FBXL13: variants seen among roughly 807,000 people sequenced by gnomAD.
FBXL13 encodes the protein F-box and leucine rich repeat protein 13.
A neutral mutation model predicts 83.6 loss-of-function variants in FBXL13; 67 were observed. The observed-to-expected ratio is 0.80, with a 90% CI of 0.66 to 0.98. The LOEUF is 0.98. Ranked by LOEUF, FBXL13 falls within the 50% of genes least tolerant of loss-of-function variation. The probability of loss-of-function intolerance (pLI) is 0.00; values close to 1 mark genes in which losing one functional copy is unlikely to be tolerated. For synonymous variants in FBXL13, 272 were observed against 299.5 expected (o/e 0.91, Z 0.95); for missense variants, 822 against 866.5 (o/e 0.95, Z 0.64).
chr7:102,860,662 C>T (rs1806674527), intron 16 of FBXL13, among the ~76,000 whole-genome samples: 1 of 150,238 alleles, frequency 6.7e-6, no homozygotes, highest in Non-Finnish European at 1.5e-5. Flanking sequence ...GAACTAGTTA[C>T]CAAATGTTGG....
chr7:102,983,244 G>A (rs1015660887), intron 6 of FBXL13, among the ~76,000 whole-genome samples: 2 of 152,078 alleles, frequency 1.3e-5, no homozygotes, highest in African/African-American at 4.8e-5. Context: ...CTTCTGAGGT[G>A]GAGAAGCCAC....
At chr7:103,001,952 T>G (rs998756048) in intron 6 of FBXL13, among the ~76,000 whole-genome samples, 28 of 152,202 alleles carry the variant, frequency 1.8e-4, no homozygotes, top group Admixed American at 6.5e-4. Flanking sequence ...AAACTCCCTT[T>G]TATATATCCA....
At chr7:102,860,450 A>G (rs1806641619) in intron 16 of FBXL13, among the ~76,000 whole-genome samples, 1 of 152,230 alleles carries the variant, frequency 6.6e-6, no homozygotes, top group Non-Finnish European at 1.5e-5. Flanking sequence ...TAGCATGGAC[A>G]GAGACTTCAT....
chr7:102,834,150 C>G (rs12667223), intron 17 of FBXL13, among the ~76,000 whole-genome samples: 11,763 of 118,236 alleles, frequency 0.099, 1,042 homozygotes, highest in Middle Eastern at 0.15. Flanking sequence ...AAAGAGAAGA[C>G]AAGAGAAAAG....
At chr7:102,894,683 C>T (rs997436950) in intron 11 of FBXL13, among the ~76,000 whole-genome samples, 1 of 150,074 alleles carries the variant, frequency 6.7e-6, no homozygotes, top group Admixed American at 6.6e-5. Flanking sequence ...GAGCTATGAT[C>T]ACACCACTGT....
chr7:103,060,053 TA>T, intron 1 of FBXL13, among the ~76,000 whole-genome samples: 1 of 112,704 alleles, frequency 8.9e-6, no homozygotes, highest in South Asian at 2.8e-4. Flanking sequence ...TATATATATA[TA>T]TATATATATA....
intron 11 of FBXL13, among the ~76,000 whole-genome samples, chr7:102,894,745 AG>A (rs1336001403): frequency 1.4e-3 from 201 of 144,604 alleles, no homozygotes; most frequent in African/African-American, 5.4e-3. Context: ...AAAAAAAAAA[AG>A]AGAGAGAGAG....
At chr7:103,006,276 T>C (rs757003727) in intron 6 of FBXL13, among the ~76,000 whole-genome samples, 18 of 152,200 alleles carry the variant, frequency 1.2e-4, no homozygotes, top group Admixed American at 1.3e-4. Flanking sequence ...AATACACATA[T>C]GGATCTTCTT....
chr7:102,932,386 ATTTGC>A (rs1208500242), intron 8 of FBXL13, among the ~76,000 whole-genome samples: 2 of 152,126 alleles, frequency 1.3e-5, no homozygotes, highest in African/African-American at 4.8e-5. Flanking sequence ...CTTTTACTGT[ATTTGC>A]TTTATCACAT....
At chr7:103,025,613 C>A (rs1357415712) in intron 5 of FBXL13, among the ~76,000 whole-genome samples, 1 of 152,138 alleles carries the variant, frequency 6.6e-6, no homozygotes, top group African/African-American at 2.4e-5. Flanking sequence ...AGTAGTAATG[C>A]ATTTGGGAAA....
At chr7:102,956,963 G>C (rs1001883048) in intron 8 of FBXL13, among the ~76,000 whole-genome samples, 1 of 152,028 alleles carries the variant, frequency 6.6e-6, no homozygotes, top group Non-Finnish European at 1.5e-5. Flanking sequence ...TACTGCCCAG[G>C]GTAATTTATA....
intron 3 of FBXL13, 124 bp from the exon 5 acceptor site, chr7:103,028,872 G>C: frequency 2.7e-6 from 2 of 740,722 alleles, no homozygotes; most frequent in Non-Finnish European, 3.8e-6. Flanking sequence ...AGCATAGAAA[G>C]AAACTTCTAC....
At chr7:102,958,968 C>G (rs889075600) in intron 8 of FBXL13, among the ~76,000 whole-genome samples, 3 of 151,940 alleles carry the variant, frequency 2.0e-5, no homozygotes, top group Non-Finnish European at 4.4e-5. Context: ...GAGACATGAA[C>G]AAGACTCCTG....
chr7:103,005,480 A>G (rs1463199762), intron 6 of FBXL13, among the ~76,000 whole-genome samples: 3 of 152,222 alleles, frequency 2.0e-5, no homozygotes, highest in African/African-American at 7.2e-5. Flanking sequence ...CTGCCATAAA[A>G]AAAAAATACC....
chr7:103,027,011 C>T (rs977143135), intron 5 of FBXL13, among the ~76,000 whole-genome samples: 4 of 152,076 alleles, frequency 2.6e-5, no homozygotes, highest in Admixed American at 6.6e-5. Flanking sequence ...ACAAGAATCC[C>T]GGCCAGACAC....
intron 16 of FBXL13, among the ~76,000 whole-genome samples, chr7:102,868,321 C>A (rs971591608): frequency 9.9e-5 from 15 of 152,186 alleles, no homozygotes; most frequent in African/African-American, 3.6e-4. Flanking sequence ...TCACCACTCC[C>A]TCCCCAGCCT....
intron 11 of FBXL13, among the ~76,000 whole-genome samples, chr7:102,895,236 T>C (rs1202767042): frequency 1.1e-4 from 16 of 152,084 alleles, no homozygotes; most frequent in Admixed American, 9.2e-4. Flanking sequence ...AAGGCTGTGA[T>C]TGAACAGAAC....
In FBXL13 at chr7:102,838,811, A is replaced by G. The variant is rs545132799; in HGVS notation, c.1720-5837T>C. Among the ~76,000 whole-genome samples the G allele has an allele frequency of 7.2e-5, 11 of 152,304 alleles. No homozygotes were observed. In the South Asian group the frequency reaches 2.3e-3, roughly 32 times the overall value. ...GGCACAATGCACTGCAGAAAGCCAT[A>G]GGGACCTCTGCCCTGGAAAGCTGGG... On this transcript the variant is annotated intron_variant, in intron 17 of 19. Transcript: ENST00000313221.
chr7:102,981,278 G>A (rs1449345156), intron 6 of FBXL13, among the ~76,000 whole-genome samples: 1 of 152,148 alleles, frequency 6.6e-6, no homozygotes, highest in Non-Finnish European at 1.5e-5. Flanking sequence ...CCATTTTAAT[G>A]TTCTTCCTTT....
Sources: allele counts gnomAD v4.1 joint callset (sites outside exome capture counted in the v4.1 genomes callset), GRCh38; gene constraint gnomAD v4.1.1; transcripts MANE v1.5; gene names NCBI Gene and HGNC (gene_info 2026-07-23, HGNC 2026-07-21).